STXBP5L: variants seen among roughly 807,000 people sequenced by gnomAD.
STXBP5L encodes the protein syntaxin-binding protein 5-like.
STXBP5L carries 65 observed loss-of-function variants against 144.5 expected under a neutral mutation model. The observed-to-expected ratio is 0.45, with a 90% confidence interval of 0.37 to 0.55. STXBP5L has a LOEUF of 0.55. STXBP5L is among the 20% of genes least tolerant of loss of function. The probability of loss-of-function intolerance (pLI) is 0.00; values close to 1 mark genes in which losing one functional copy is unlikely to be tolerated. For synonymous variants in STXBP5L, 505 were observed against 469.6 expected, an observed-to-expected ratio of 1.08 and a Z score of -0.97; for missense variants, 1,298 against 1,405.5, an observed-to-expected ratio of 0.92 and a Z score of 1.22.
intron 3 of STXBP5L, among the ~76,000 whole-genome samples, chr3:121,007,967 T>C (rs564019119): frequency 1.2e-4 from 18 of 152,200 alleles, no homozygotes; most frequent in African/African-American, 4.3e-4. Context: ...GAAAAAACTA[T>C]ACTTTCCTGC....
chr3:121,289,738 G>A (rs1360366863), intron 19 of STXBP5L, among the ~76,000 whole-genome samples: 1 of 151,756 alleles, frequency 6.6e-6, no homozygotes, highest in Non-Finnish European at 1.5e-5. Context: ...TCACACAGTG[G>A]AATAAACTCC....
intron 3 of STXBP5L, among the ~76,000 whole-genome samples, chr3:120,959,743 CA>C (rs1475571133): frequency 6.6e-6 from 1 of 152,106 alleles, no homozygotes; most frequent in Admixed American, 6.6e-5. Context: ...ACACCTTATA[CA>C]AAAATTAATT....
intron 20 of STXBP5L, among the ~76,000 whole-genome samples, chr3:121,350,977 T>C (rs140217245): frequency 6.6e-6 from 1 of 152,184 alleles, no homozygotes; most frequent in Admixed American, 6.5e-5. Context: ...TCATTCTCTG[T>C]CCAGCTTTGT....
chr3:121,279,016 C>T (rs1222420920), intron 18 of STXBP5L, among the ~76,000 whole-genome samples: 2 of 151,478 alleles, frequency 1.3e-5, no homozygotes, highest in Middle Eastern at 3.4e-3. Flanking sequence ...CAACATGGAA[C>T]GTACATAAAA....
intron 10 of STXBP5L, among the ~76,000 whole-genome samples, chr3:121,208,027 T>C (rs2048406662): frequency 6.6e-6 from 1 of 152,120 alleles, no homozygotes; most frequent in Admixed American, 6.5e-5. Flanking sequence ...TAAAGACACA[T>C]GCACATGTAT....
intron 25 of STXBP5L, 79 bp from the exon 26 acceptor site, chr3:121,418,258 A>G: frequency 7.1e-7 from 1 of 1,417,606 alleles, no homozygotes; most frequent in Non-Finnish European, 9.6e-7. Flanking sequence ...ATGTAATACT[A>G]GTACTTTGTC....
intron 18 of STXBP5L, 103 bp downstream of exon 18, chr3:121,259,271 TGGA>T (rs1298709538): frequency 3.3e-5 from 28 of 850,054 alleles, no homozygotes; most frequent in Non-Finnish European, 4.2e-5. Context: ...AGCCCTTACC[TGGA>T]TTTTTATTAG....
At chr3:121,051,575 A>G (rs1947998461) in intron 5 of STXBP5L, among the ~76,000 whole-genome samples, 1 of 152,304 alleles carries the variant, frequency 6.6e-6, no homozygotes, top group African/African-American at 2.4e-5. Flanking sequence ...TCTCTGGGAC[A>G]CATTCAAAGC....
intron 3 of STXBP5L, among the ~76,000 whole-genome samples, chr3:120,970,962 C>G (rs1273960808): frequency 6.6e-6 from 1 of 152,142 alleles, no homozygotes; most frequent in Non-Finnish European, 1.5e-5. Context: ...CTGTTGTTTC[C>G]TGAACTGGGG....
At chr3:121,161,102 A>G (rs979062327) in intron 9 of STXBP5L, among the ~76,000 whole-genome samples, 2 of 151,862 alleles carry the variant, frequency 1.3e-5, no homozygotes, top group Non-Finnish European at 2.9e-5. Context: ...AGTCTTTTGA[A>G]TTTTCTTTGC....
chr3:120,996,217 G>T (rs1228249266), intron 3 of STXBP5L, among the ~76,000 whole-genome samples: 1 of 151,736 alleles, frequency 6.6e-6, no homozygotes, highest in Admixed American at 6.6e-5. Flanking sequence ...ATTATGATGT[G>T]CCTTGGCATG....
chr3:120,965,259 G>T (rs1939418916), intron 3 of STXBP5L, among the ~76,000 whole-genome samples: 2 of 152,212 alleles, frequency 1.3e-5, no homozygotes, highest in South Asian at 4.1e-4. Flanking sequence ...TCTTTTAATT[G>T]GGGCATTTAG....
At chr3:121,418,921 C>A in intron 26 of STXBP5L, 135 bp from the exon 27 acceptor site, 2 of 913,564 alleles carry the variant, frequency 2.2e-6, no homozygotes, top group Non-Finnish European at 3.2e-6. Flanking sequence ...CACTTTATTT[C>A]ACAAAATAAA....
intron 5 of STXBP5L, among the ~76,000 whole-genome samples, chr3:121,047,218 G>C (rs1193760072): frequency 6.6e-6 from 1 of 151,976 alleles, no homozygotes; most frequent in Non-Finnish European, 1.5e-5. Context: ...CTGAGAGTGT[G>C]GTTGGTATGG....
At chr3:121,366,419 G>A (rs1422991859) in intron 20 of STXBP5L, among the ~76,000 whole-genome samples, 1 of 151,462 alleles carries the variant, frequency 6.6e-6, no homozygotes, top group Non-Finnish European at 1.5e-5. Context: ...ATATTTTGAT[G>A]GTCTCTCATT....
intron 9 of STXBP5L, among the ~76,000 whole-genome samples, chr3:121,180,453 A>G (rs541202878): frequency 2.0e-5 from 3 of 152,256 alleles, no homozygotes; most frequent in African/African-American, 7.2e-5. Context: ...ATCTTGAAAC[A>G]AAACCTCAAA....
At chr3:120,956,423 C>T (rs1938044114) in intron 3 of STXBP5L, among the ~76,000 whole-genome samples, 1 of 151,842 alleles carries the variant, frequency 6.6e-6, no homozygotes, top group South Asian at 2.1e-4. Flanking sequence ...TGAAAGCATA[C>T]AGTATTCTTC....
intron 3 of STXBP5L, among the ~76,000 whole-genome samples, chr3:120,994,684 T>C (rs1943198445): frequency 6.6e-6 from 1 of 152,166 alleles, no homozygotes; most frequent in African/African-American, 2.4e-5. Flanking sequence ...TTGGGTTTGC[T>C]AGTATTCTGT....
In STXBP5L at chr3:121,423,509, A is replaced by G. The variant is rs1181249577; in HGVS notation, c.*4412A>G. On this transcript the variant is annotated 3_prime_UTR_variant, in exon 27 of 27. Transcript: ENST00000471454. ...AGGAAGGACATGGGAGCCACAGTGA[A>G]GTGAAAGAGGCTTTAAGGAATCAGA... The G allele has an allele frequency of 6.6e-6, 1 of 152,272 alleles. No homozygotes were observed. Among genetic ancestry groups the G allele is most frequent in the Non-Finnish European group, 1.5e-5 (1 of 68,060 alleles). 9.4% of individuals were successfully genotyped at this position (152,272 alleles called of 1,614,324 possible).
Sources: allele counts gnomAD v4.1 joint callset (sites outside exome capture counted in the v4.1 genomes callset), GRCh38; gene constraint gnomAD v4.1.1; transcripts MANE v1.5; gene names NCBI Gene and HGNC (gene_info 2026-07-23, HGNC 2026-07-21).